Variants in MDH1 observed in about 807,000 individuals in gnomAD.
MDH1 encodes malate dehydrogenase 1, also known as malate dehydrogenase, cytoplasmic.
In MDH1, 15 loss-of-function variants were observed where a neutral mutation model predicts 38.7. That is an observed-to-expected ratio of 0.39 (90% confidence interval 0.26 to 0.60). The LOEUF is 0.60. Among genes scored for constraint, MDH1 ranks in the 20% least tolerant of loss-of-function variants. MDH1 has a pLI of 0.56. For missense variants in MDH1, 368 were observed against 405.2 expected, an observed-to-expected ratio of 0.91 and a Z score of 0.79; for synonymous variants, 144 against 143.6, an observed-to-expected ratio of 1.00 and a Z score of -0.02.
chr2:63,605,890 A>G, intron 7 of MDH1, 49 bp from the exon 8 acceptor site: 5 of 1,424,022 alleles, frequency 3.5e-6, no homozygotes, highest in Non-Finnish European at 5.0e-6. Context: ...TTCATGTGTC[A>G]GTTGTGTAAA....
Position 63,606,034 on chromosome 2 carries a change from G to T in MDH1, c.879+6G>T. ...CATTCCCTGTTGTAATCAAGGTAAGGTATTTTGGAGCTATTTCCCTTCTTT... is the reference window on the plus strand; with the variant it reads ...CATTCCCTGTTGTAATCAAGGTAAGTTATTTTGGAGCTATTTCCCTTCTTT... On this transcript the variant is annotated splice_donor_region_variant and intron_variant, in intron 8 of 8. Coordinates refer to ENST00000233114, the MANE Select transcript of MDH1 (RefSeq NM_005917.4). The T allele has an allele frequency of 6.2e-7, 1 of 1,609,852 alleles. No homozygotes were observed. The highest frequency in any genetic ancestry group is 8.5e-7 in the Non-Finnish European group (1 of 1,176,136).
At chr2:63,595,207 C>G (rs1227649543) in intron 2 of MDH1, among the ~76,000 whole-genome samples, 1 of 152,136 alleles carries the variant, frequency 6.6e-6, no homozygotes, top group Non-Finnish European at 1.5e-5. Flanking sequence ...GGTGATTCCT[C>G]TCACTGTGTC....
rs61758126 is a variant in MDH1 at position 63,605,990 on chromosome 2, C to G, written c.841C>G (p.Pro281Ala). 6.2e-7 allele frequency: 1 copy of G among 1,614,106 alleles called. No homozygotes were observed. Among genetic ancestry groups the G allele is most frequent in the African/African-American group, 1.3e-5 (1 of 75,028 alleles). Residue 281 changes from proline (P) to alanine (A), a missense_variant, in exon 8 of 9, where the codon CCT (proline) becomes GCT (alanine). Transcript: ENST00000233114. ...VISDGNSYGV[P>A]DDLLYSFPVV... ...CTCTGATGGCAACTCCTATGGTGTT[C>G]CTGATGATCTGCTCTACTCATTCCC... is the stretch of plus-strand genomic sequence containing the variant.
intron 1 of MDH1, 149 bp from the exon 2 acceptor site, chr2:63,594,339 A>T (rs1171744910): frequency 1.3e-6 from 1 of 752,634 alleles, no homozygotes; most frequent in South Asian, 1.4e-5. Context: ...TATGCAGCAC[A>T]TTCATTTTCT....
At position 63,604,712 on chromosome 2, in the gene MDH1, G is replaced by A. The variant is rs1709493805; in HGVS notation, c.515G>A (p.Gly172Asp). The A allele has an allele frequency of 3.7e-6, 6 of 1,613,614 alleles. No homozygotes were observed. Among genetic ancestry groups the A allele is most frequent in the Non-Finnish European group, 5.1e-6 (6 of 1,179,790 alleles). ...TTTAACTAGATTGCTCTTAAACTTGGTGTGACTGCTAATGATGTAAAGAAT... is the reference window on the plus strand; with the variant it reads ...TTTAACTAGATTGCTCTTAAACTTGATGTGACTGCTAATGATGTAAAGAAT... ...RAKAQIALKL[G>D]VTANDVKNVI... The change falls in exon 6 of 9, where the codon GGT (glycine) becomes GAT (aspartate). Residue 172 changes from glycine (G) to aspartate (D), a missense_variant. Gly to Asp is a moderately conservative substitution (Grantham distance 94). Coordinates refer to ENST00000233114, the MANE Select transcript of MDH1 (RefSeq NM_005917.4).
chr2:63,589,124 T>C lies in MDH1; in HGVS notation c.3+78T>C, dbSNP rs1005974197. 14 of 1,613,952 alleles carry C rather than the reference T, an allele frequency of 8.7e-6. No individual in the cohort carries two copies. The Admixed American group carries it at 1.2e-4, about 13-fold the overall frequency. On this transcript the variant is annotated intron_variant, in intron 1 of 8. Coordinates refer to ENST00000233114, the MANE Select transcript of MDH1 (RefSeq NM_005917.4). ...GGGGTTTCTTGCACTTTAGGGACTT[T>C]TGGGAGGCAGCTGTGCAAGGCACTG... is the stretch of plus-strand genomic sequence containing the variant.
intron 1 of MDH1, chr2:63,589,997 C>T (rs1382057125): frequency 6.5e-6 from 1 of 153,890 alleles, no homozygotes; most frequent in Non-Finnish European, 1.4e-5. Context: ...GGAAATTTCC[C>T]AGAACCTGAA....
At chr2:63,593,078 CTT>C (rs1466814005) in intron 1 of MDH1, 1 of 152,414 alleles carries the variant, frequency 6.6e-6, no homozygotes, top group East Asian at 1.9e-4. Flanking sequence ...CCAGTTGACA[CTT>C]TTTGTTTTTT....
At chr2:63,589,120 A>C (rs1440140290) in intron 1 of MDH1, 74 bp downstream of exon 1, 8 of 1,613,786 alleles carry the variant, frequency 5.0e-6, no homozygotes, top group Non-Finnish European at 6.8e-6. Context: ...CACTTTAGGG[A>C]CTTTTGGGAG....
intron 8 of MDH1, among the ~76,000 whole-genome samples, chr2:63,606,279 G>T (rs1709526258): frequency 6.6e-6 from 1 of 152,154 alleles, no homozygotes; most frequent in African/African-American, 2.4e-5. Flanking sequence ...TTCTTGAGAG[G>T]CTGAGGTAGG....
intron 7 of MDH1, 171 bp from the exon 8 acceptor site, chr2:63,605,768 A>C: frequency 3.2e-6 from 2 of 633,316 alleles, no homozygotes; most frequent in South Asian, 3.8e-5. Flanking sequence ...GGAATGAAAT[A>C]ATATCCATGA....
chr2:63,597,708 G>A, intron 4 of MDH1, 134 bp downstream of exon 4: 1 of 751,918 alleles, frequency 1.3e-6, no homozygotes. Flanking sequence ...CGGCTCTAGA[G>A]TTTTGCTTGA....
At chr2:63,592,470 C>A (rs1274686452) in intron 1 of MDH1, among the ~76,000 whole-genome samples, 1 of 152,190 alleles carries the variant, frequency 6.6e-6, no homozygotes, top group Non-Finnish European at 1.5e-5. Context: ...CCTACCTCAG[C>A]CTCCTGAGTG....
chr2:63,594,920 T>C (rs1357721712), intron 2 of MDH1: 1 of 264,404 alleles, frequency 3.8e-6, no homozygotes, highest in East Asian at 1.0e-4. Context: ...TGTTCATAAA[T>C]GGCCTTTGGA....
intron 8 of MDH1, 85 bp downstream of exon 8, chr2:63,606,113 G>T: frequency 1.6e-6 from 2 of 1,253,068 alleles, no homozygotes; most frequent in Non-Finnish European, 2.3e-6. Context: ...CAGGCACAGT[G>T]GCTCACGCCT....
In MDH1 at chr2:63,607,118, T is replaced by C. The variant is rs572182432; in HGVS notation, c.*131T>C. 214 of 857,714 alleles carry C rather than the reference T, an allele frequency of 2.5e-4. No individual in the cohort carries two copies. The highest frequency in any genetic ancestry group is 3.4e-4 in the Non-Finnish European group (201 of 586,498). 53.1% of individuals were successfully genotyped at this position (857,714 alleles called of 1,614,324 possible). ...ACAACACATTTTAAAGATTACGTGC[T>C]TCTTGGTACAGGTTTGTGAATGACA... On this transcript the variant is annotated 3_prime_UTR_variant, in exon 9 of 9. Coordinates refer to ENST00000233114, the MANE Select transcript of MDH1 (RefSeq NM_005917.4).
chr2:63,589,285 G>A (rs1709098518), intron 1 of MDH1: 3 of 1,550,804 alleles, frequency 1.9e-6, no homozygotes, highest in African/African-American at 2.7e-5. Flanking sequence ...AGTTGTCCTG[G>A]GAGAGGAGCG....
chr2:63,589,358 G>T (rs1192281275), intron 1 of MDH1: 1 of 1,550,614 alleles, frequency 6.4e-7, no homozygotes, highest in South Asian at 1.2e-5. Context: ...TCCAAAGGAC[G>T]TTACGGTGTT....
At position 63,604,702 on chromosome 2, in the gene MDH1, C is replaced by A; in HGVS notation, c.505C>A (p.Leu169Ile). ...TTGTTTTCAATTTAACTAGATTGCT[C>A]TTAAACTTGGTGTGACTGCTAATGA... The part of the protein sequence containing the change: ...DHNRAKAQIA[L>I]KLGVTANDVK... Residue 169 changes from leucine (L) to isoleucine (I), a missense_variant, in exon 6 of 9, where the codon CTT (leucine) becomes ATT (isoleucine). Leu to Ile is a conservative substitution (Grantham distance 5). Coordinates refer to ENST00000233114, the MANE Select transcript of MDH1 (RefSeq NM_005917.4). 1 of 1,613,034 alleles carries A rather than the reference C, an allele frequency of 6.2e-7. No individual in the cohort carries two copies. Among genetic ancestry groups the A allele is most frequent in the South Asian group, 1.1e-5 (1 of 90,812 alleles).
Sources: gnomAD v4.1 joint callset for allele counts (sites outside exome capture counted in the v4.1 genomes callset) on GRCh38, gnomAD v4.1.1 for gene constraint, MANE v1.5 for transcripts, NCBI Gene and HGNC (gene_info 2026-07-23, HGNC 2026-07-21) for gene names.